The following JMJD1C variants were observed in gnomAD, a reference collection of about 807,000 sequenced individuals.
JMJD1C encodes the protein jumonji domain-containing protein 1C.
JMJD1C carries 31 observed loss-of-function variants against 245.3 expected under a neutral mutation model. The observed-to-expected ratio is 0.13, with a 90% confidence interval of 0.09 to 0.17. The LOEUF (loss-of-function observed/expected upper bound fraction) is 0.17. JMJD1C is among the 10% of genes least tolerant of loss of function. The pLI, the probability that JMJD1C is intolerant of heterozygous loss-of-function variation, is 1.00. For synonymous variants in JMJD1C, 1,057 were observed against 1,017.4 expected (o/e 1.04, Z -0.74); for missense variants, 2,691 against 3,000.2 (o/e 0.90, Z 2.41).
chr10:63,186,113 A>G (rs1844099646), intron 19 of JMJD1C, 102 bp downstream of exon 19: 1 of 890,966 alleles, frequency 1.1e-6, no homozygotes, highest in Admixed American at 2.6e-5. Context: ...TAGACAACAT[A>G]AAACAGATGT....
chr10:63,337,564 AAAAG>A (rs1417499159), intron 2 of JMJD1C, among the ~76,000 whole-genome samples: 1 of 37,926 alleles, frequency 2.6e-5, no homozygotes, highest in Non-Finnish European at 4.4e-5. Flanking sequence ...AAAAGAAAAG[AAAAG>A]AAAAGAAAAG....
At position 63,290,463 on chromosome 10, in the gene JMJD1C, A is replaced by T. The variant is rs372622715; in HGVS notation, c.334-25699T>A. Among the ~76,000 whole-genome samples, 1,024 of 152,236 alleles carry T rather than the reference A, an allele frequency of 6.7e-3. 10 individuals carry two copies. The highest frequency in any genetic ancestry group is 0.027 in the South Asian group (129 of 4,828). ...GTAAACCCAGCTACTCAGGAGGCTGAGGCACGAGAATCGCTTGAACCCAGG... is the reference window on the plus strand; with the variant it reads ...GTAAACCCAGCTACTCAGGAGGCTGTGGCACGAGAATCGCTTGAACCCAGG... On this transcript the variant is annotated intron_variant, in intron 2 of 25. Coordinates refer to ENST00000399262, the MANE Select transcript of JMJD1C (RefSeq NM_032776.3).
chr10:63,521,477 C>A, intron 1 of JMJD1C: 5 of 1,098,890 alleles, frequency 4.6e-6, no homozygotes, highest in Non-Finnish European at 4.7e-6. Flanking sequence ...CGCGGCCTGC[C>A]GTTGGCGGCC....
intron 1 of JMJD1C, among the ~76,000 whole-genome samples, chr10:63,442,270 T>C (rs1355647688): frequency 3.9e-5 from 6 of 152,200 alleles, no homozygotes; most frequent in Non-Finnish European, 7.3e-5. Flanking sequence ...AACCTGGGTA[T>C]ATATCAATTT....
In JMJD1C at chr10:63,193,417, T is replaced by C; in HGVS notation, c.5790A>G (p.Lys1930=). ...GTTTGTTAGTACAATGACAATGGGATTTAATACCATATTTTTCCCTAAGAG... is the reference window on the plus strand; with the variant it reads ...GTTTGTTAGTACAATGACAATGGGACTTAATACCATATTTTTCCCTAAGAG... ...MHTLREKYGI[K]SHCHCTNKQN... Residue 1930 remains lysine (K), a synonymous_variant, in exon 15 of 26, where the codon AAA becomes AAG. Transcript: ENST00000399262. The C allele has an allele frequency of 1.2e-6, 2 of 1,600,350 alleles. No individual in the cohort carries two copies. The highest frequency in any genetic ancestry group is 1.3e-5 in the African/African-American group (1 of 74,752).
chr10:63,418,184 A>G (rs759272227), intron 1 of JMJD1C, among the ~76,000 whole-genome samples: 1 of 152,176 alleles, frequency 6.6e-6, no homozygotes, highest in Non-Finnish European at 1.5e-5. Flanking sequence ...CCATACTACT[A>G]TAGTTTCTCA....
intron 3 of JMJD1C, among the ~76,000 whole-genome samples, chr10:63,234,493 TA>T (rs71025129): frequency 0.19 from 7,064 of 36,908 alleles, 265 homozygotes; most frequent in Non-Finnish European, 0.27. Context: ...AACCTCCTCT[TA>T]AAAAAAAAAA....
At chr10:63,307,877 C>G (rs1360893949) in intron 2 of JMJD1C, among the ~76,000 whole-genome samples, 1 of 152,042 alleles carries the variant, frequency 6.6e-6, no homozygotes, top group Admixed American at 6.6e-5. Flanking sequence ...AGGCTGGGCA[C>G]GGTGGGTCAC....
At chr10:63,339,684 G>C (rs1330062792) in intron 2 of JMJD1C, among the ~76,000 whole-genome samples, 1 of 152,050 alleles carries the variant, frequency 6.6e-6, no homozygotes, top group Non-Finnish European at 1.5e-5. Flanking sequence ...CCAGCACTTT[G>C]GGAGGTCAAG....
intron 3 of JMJD1C, among the ~76,000 whole-genome samples, chr10:63,224,252 G>A (rs1290334719): frequency 1.3e-5 from 2 of 152,112 alleles, no homozygotes; most frequent in African/African-American, 4.8e-5. Context: ...CTATAAAGCA[G>A]AGTTACTAAT....
chr10:63,389,975 C>T (rs1385793296), intron 1 of JMJD1C, among the ~76,000 whole-genome samples: 1 of 151,908 alleles, frequency 6.6e-6, no homozygotes, highest in African/African-American at 2.4e-5. Context: ...ACCATACATC[C>T]CATGAAAACA....
chr10:63,427,641 T>C (rs1950518871), intron 1 of JMJD1C: 5 of 1,343,374 alleles, frequency 3.7e-6, no homozygotes, highest in East Asian at 4.6e-5. Context: ...GTGTTTACTG[T>C]ATGAACTCTA....
Position 63,208,014 on chromosome 10 carries a change from T to C in JMJD1C, c.3655A>G (p.Arg1219Gly), listed in dbSNP as rs772524679. 3 of 1,614,196 alleles carry C rather than the reference T, an allele frequency of 1.9e-6. No homozygotes were observed. In the South Asian group the frequency reaches 3.3e-5, roughly 18 times the overall value. The change falls in exon 10 of 26, where the codon AGA (arginine) becomes GGA (glycine). Residue 1219 changes from arginine to glycine, a missense_variant. Arg to Gly is a moderately radical substitution (Grantham distance 125). This residue lies in a region of JMJD1C where 1,562 missense variants were observed against 1,490.7 expected (regional missense o/e 1.05). Transcript: ENST00000399262. ...AGACTACTATAGCTGCCTTCCTTTCTTTCCAGGCTGTGATGGATTGGTGGG... is the reference window on the plus strand; with the variant it reads ...AGACTACTATAGCTGCCTTCCTTTCCTTCCAGGCTGTGATGGATTGGTGGG... ...FHPPIHHSLE[R>G]KEGSYSSLSP... is the part of the protein sequence containing the mutation.
At chr10:63,200,093 G>C (rs1845855749) in intron 11 of JMJD1C, among the ~76,000 whole-genome samples, 1 of 151,904 alleles carries the variant, frequency 6.6e-6, no homozygotes, top group South Asian at 2.1e-4. Context: ...TTACTGTCTG[G>C]GTTATCCAGC....
At chr10:63,429,023 C>G (rs1950599278) in intron 1 of JMJD1C, among the ~76,000 whole-genome samples, 1 of 152,108 alleles carries the variant, frequency 6.6e-6, no homozygotes, top group African/African-American at 2.4e-5. Context: ...TCTTGTTACC[C>G]AGGCTGGAGT....
At chr10:63,268,759 TG>T in intron 2 of JMJD1C, 1 of 985,460 alleles carries the variant, frequency 1.0e-6, no homozygotes, top group South Asian at 4.7e-5. Flanking sequence ...TATTTTGTTC[TG>T]GAAGAGTATC....
intron 2 of JMJD1C, chr10:63,269,091 A>G (rs1855980388): frequency 2.0e-6 from 2 of 985,352 alleles, no homozygotes; most frequent in Non-Finnish European, 2.4e-6. Context: ...GGTCGCTTAC[A>G]TAACCAGTAA....
At chr10:63,233,702 A>G (rs146038667) in intron 3 of JMJD1C, among the ~76,000 whole-genome samples, 104 of 150,564 alleles carry the variant, frequency 6.9e-4, no homozygotes, top group African/African-American at 2.3e-3. Context: ...TTTTATATAT[A>G]TATGTATCTC....
intron 12 of JMJD1C, among the ~76,000 whole-genome samples, chr10:63,197,845 T>A (rs1290979575): frequency 6.6e-6 from 1 of 152,220 alleles, no homozygotes; most frequent in East Asian, 1.9e-4. Flanking sequence ...TGGGAGGGAT[T>A]ACTCTGTGCA....
Sources: allele counts gnomAD v4.1 joint callset (sites outside exome capture counted in the v4.1 genomes callset), GRCh38; gene constraint gnomAD v4.1.1; regional missense constraint gnomAD v4.1.1; transcripts MANE v1.5; gene names NCBI Gene and HGNC (gene_info 2026-07-23, HGNC 2026-07-21).